DCAF7: variants seen among roughly 807,000 people sequenced by gnomAD.
DCAF7 encodes DDB1- and CUL4-associated factor 7.
DCAF7 carries 4 observed loss-of-function variants against 41.2 expected under a neutral mutation model. The observed-to-expected ratio is 0.10, with a 90% CI of 0.05 to 0.22. DCAF7 has a LOEUF of 0.22. DCAF7 is among the 10% of genes least tolerant of loss of function. The pLI is 1.00. For synonymous variants in DCAF7, 143 were observed against 164.2 expected (o/e 0.87, Z 0.99); for missense variants, 131 against 443.2 (o/e 0.30, Z 6.32).
intron 4 of DCAF7, among the ~76,000 whole-genome samples, chr17:63,580,145 A>G (rs1185269488): frequency 6.6e-6 from 1 of 152,212 alleles, no homozygotes; most frequent in Non-Finnish European, 1.5e-5. Flanking sequence ...TGGCTAATGT[A>G]AATGACCTAT....
chr17:63,571,201 A>G (rs1188389525), intron 1 of DCAF7, among the ~76,000 whole-genome samples: 3 of 152,058 alleles, frequency 2.0e-5, no homozygotes, highest in Non-Finnish European at 4.4e-5. Context: ...AAAAAAAGAA[A>G]AGAAAATTGA....
chr17:63,566,322 G>T (rs1165797632), intron 1 of DCAF7, among the ~76,000 whole-genome samples: 1 of 151,690 alleles, frequency 6.6e-6, no homozygotes, highest in Non-Finnish European at 1.5e-5. Context: ...AGTGAGCAGA[G>T]ATGGCGCCAC....
intron 1 of DCAF7, among the ~76,000 whole-genome samples, chr17:63,551,096 A>C (rs2147754045): frequency 6.6e-6 from 1 of 152,290 alleles, no homozygotes; most frequent in South Asian, 2.1e-4. Flanking sequence ...ACAGGTCTTA[A>C]AACCGGGTTT....
intron 1 of DCAF7, among the ~76,000 whole-genome samples, chr17:63,570,446 C>T (rs566004014): frequency 3.3e-5 from 5 of 151,124 alleles, no homozygotes; most frequent in South Asian, 2.1e-4. Context: ...AGTGAGACTC[C>T]GTCTCAAAAA....
At chr17:63,563,418 AAAGT>A (rs1414728755) in intron 1 of DCAF7, among the ~76,000 whole-genome samples, 1 of 152,256 alleles carries the variant, frequency 6.6e-6, no homozygotes, top group Non-Finnish European at 1.5e-5. Flanking sequence ...GTCTATTTGA[AAAGT>A]AAGTTGGTGT....
intron 1 of DCAF7, among the ~76,000 whole-genome samples, chr17:63,567,749 T>C (rs1338424832): frequency 6.6e-6 from 1 of 151,852 alleles, no homozygotes; most frequent in Non-Finnish European, 1.5e-5. Flanking sequence ...AGCCTTGACT[T>C]TCTGGGTTCG....
intron 1 of DCAF7, among the ~76,000 whole-genome samples, chr17:63,563,362 A>G (rs1485693075): frequency 6.6e-6 from 1 of 152,216 alleles, no homozygotes; most frequent in Non-Finnish European, 1.5e-5. Flanking sequence ...CAGTATGGAG[A>G]AATGAACACC....
In DCAF7 at chr17:63,592,799, G is replaced by A. The variant is rs1456751693; in HGVS notation, c.*3627G>A. On this transcript the variant is annotated 3_prime_UTR_variant, in exon 7 of 7. Transcript: ENST00000614556. ...GATGTTTGGTGGTAAAAAACCTACAGGCGTTTGGGGTCCCATGATTGTTCC... is the reference window on the plus strand; with the variant it reads ...GATGTTTGGTGGTAAAAAACCTACAAGCGTTTGGGGTCCCATGATTGTTCC... 2 of 152,250 alleles carry A rather than the reference G, an allele frequency of 1.3e-5. No homozygotes were observed. Among genetic ancestry groups the A allele is most frequent in the Non-Finnish European group, 2.9e-5 (2 of 68,090 alleles). 9.4% of individuals were successfully genotyped at this position (152,250 alleles called of 1,614,324 possible).
chr17:63,559,970 G>GA (rs1317040016), intron 1 of DCAF7, among the ~76,000 whole-genome samples: 1 of 151,998 alleles, frequency 6.6e-6, no homozygotes, highest in Non-Finnish European at 1.5e-5. Flanking sequence ...GTGACAAACT[G>GA]AAAAAATACA....
At chr17:63,578,695 A>G in intron 2 of DCAF7, 67 bp downstream of exon 2, 1 of 1,606,420 alleles carries the variant, frequency 6.2e-7, no homozygotes, top group Admixed American at 1.7e-5. Flanking sequence ...AGCAGTGAAA[A>G]GTCACAGAAC....
intron 4 of DCAF7, among the ~76,000 whole-genome samples, chr17:63,580,301 A>G (rs2033607307): frequency 6.6e-6 from 1 of 152,158 alleles, no homozygotes; most frequent in Admixed American, 6.5e-5. Context: ...TGGGGAGGAA[A>G]GAAGGGAGAC....
chr17:63,551,891 C>CAAAAAAAA lies in DCAF7; in HGVS notation c.138+1109_138+1116dup, dbSNP rs529811578. ...GTGAAACCCCGTCTCTACTAAAATA[C>CAAAAAAAA]AAAAAAAAAAAAAAAAAAAAAAAAA... On this transcript the variant is annotated intron_variant, in intron 1 of 6. Transcript: ENST00000614556. Among the ~76,000 whole-genome samples, 47 of 27,294 alleles carry CAAAAAAAA rather than the reference C, an allele frequency of 1.7e-3. 13 individuals carry two copies. The highest frequency in any genetic ancestry group is 2.7e-3 in the Non-Finnish European group (34 of 12,474). The allele number at this position is 27,294 out of a possible 152,430, so 17.9% of individuals were successfully genotyped here.
chr17:63,559,647 C>T (rs536586082), intron 1 of DCAF7, among the ~76,000 whole-genome samples: 8 of 150,510 alleles, frequency 5.3e-5, no homozygotes, highest in African/African-American at 1.7e-4. Context: ...ACTAAAAATG[C>T]AAAAAGTAGC....
chr17:63,551,521 C>T (rs2033254624), intron 1 of DCAF7, among the ~76,000 whole-genome samples: 1 of 152,060 alleles, frequency 6.6e-6, no homozygotes, highest in South Asian at 2.1e-4. Context: ...GTAAGTCTTG[C>T]TGGACATACA....
intron 1 of DCAF7, among the ~76,000 whole-genome samples, chr17:63,578,052 T>C (rs1240443688): frequency 6.6e-6 from 1 of 152,166 alleles, no homozygotes; most frequent in Non-Finnish European, 1.5e-5. Context: ...TGCAGTTTAG[T>C]GTAGTACAGT....
rs145068895 is a variant in DCAF7 at position 63,568,605 on chromosome 17, T to C, written c.139-9865T>C. On this transcript the variant is annotated intron_variant, in intron 1 of 6. Coordinates refer to ENST00000614556, the MANE Select transcript of DCAF7 (RefSeq NM_005828.5). ...TTAACAGAAACCATCTCTGTTTTTGTTATTTTCTTGGCTTGATTTAACGTT... is the reference window on the plus strand; with the variant it reads ...TTAACAGAAACCATCTCTGTTTTTGCTATTTTCTTGGCTTGATTTAACGTT... 1.9e-3 allele frequency among the ~76,000 whole-genome samples: 290 copies of C among 152,342 alleles called. 3 individuals carry two copies. The highest frequency in any genetic ancestry group is 2.7e-3 in the Non-Finnish European group (181 of 68,034).
At chr17:63,585,116 T>C (rs1377492560) in intron 5 of DCAF7, 95 bp from the exon 6 acceptor site, 7 of 972,814 alleles carry the variant, frequency 7.2e-6, no homozygotes, top group Non-Finnish European at 9.5e-6. Flanking sequence ...AAATGAAAAA[T>C]TATGCCTAAA....
chr17:63,578,453 A>T lies in DCAF7; in HGVS notation c.139-17A>T. ...TGCTCACAAATGCTTATGTGGCTCAACTTTGGTATGTTACAGGTTCAGCTT... is the reference window on the plus strand; with the variant it reads ...TGCTCACAAATGCTTATGTGGCTCATCTTTGGTATGTTACAGGTTCAGCTT... On this transcript the variant is annotated splice_polypyrimidine_tract_variant and intron_variant, in intron 1 of 6. Transcript: ENST00000614556. 6.2e-7 allele frequency: 1 copy of T among 1,613,958 alleles called. No individual in the cohort carries two copies.
At position 63,585,363 on chromosome 17, in the gene DCAF7, A is replaced by T. The variant is rs1160735308; in HGVS notation, c.856+35A>T. On this transcript the variant is annotated intron_variant, in intron 6 of 6. Transcript: ENST00000614556. ...GTGGGGAGAAAGAAATCTGGGAAGG[A>T]TGGAGGAAATCTGTTCTCTTGGCTC... The T allele has an allele frequency of 1.9e-6, 3 of 1,565,078 alleles. No homozygotes were observed. In the Admixed American group the frequency reaches 5.0e-5, roughly 26 times the overall value.
Sources: gnomAD v4.1 joint callset for allele counts (sites outside exome capture counted in the v4.1 genomes callset) on GRCh38, gnomAD v4.1.1 for gene constraint, MANE v1.5 for transcripts, NCBI Gene and HGNC (gene_info 2026-07-23, HGNC 2026-07-21) for gene names.